Variants in DGKI observed in about 807,000 individuals in gnomAD.
DGKI encodes the protein DAG kinase iota.
DGKI carries 55 observed loss-of-function variants against 147.5 expected under a neutral mutation model. That is an observed-to-expected ratio of 0.37 (90% CI 0.30 to 0.47). The LOEUF (loss-of-function observed/expected upper bound fraction) is 0.47, where lower values mean the gene tolerates loss of function less well. Ranked by LOEUF, DGKI falls within the 20% of genes least tolerant of loss-of-function variation. The pLI is 1.00. For missense variants in DGKI, 1,007 were observed against 1,323.8 expected (o/e 0.76, Z 3.71); for synonymous variants, 469 against 477.1 (o/e 0.98, Z 0.22).
intron 4 of DGKI, among the ~76,000 whole-genome samples, chr7:137,655,644 G>A (rs965147483): frequency 6.6e-6 from 1 of 152,218 alleles, no homozygotes; most frequent in Non-Finnish European, 1.5e-5. Flanking sequence ...TGAAGTTGGG[G>A]CAGAAAAGAA....
chr7:137,510,991 A>T (rs983905275), intron 21 of DGKI, among the ~76,000 whole-genome samples: 9 of 152,210 alleles, frequency 5.9e-5, no homozygotes, highest in Non-Finnish European at 1.3e-4. Context: ...TGGACCAGTG[A>T]TTCAGGAAAC....
intron 23 of DGKI, among the ~76,000 whole-genome samples, chr7:137,478,507 A>G (rs1159371993): frequency 6.6e-6 from 1 of 152,192 alleles, no homozygotes; most frequent in Non-Finnish European, 1.5e-5. Flanking sequence ...ATTTTCTCTA[A>G]TTAGTGTTTA....
At chr7:137,720,250 C>CTT (rs552382033) in intron 1 of DGKI, among the ~76,000 whole-genome samples, 3,682 of 88,206 alleles carry the variant, frequency 0.042, 379 homozygotes, top group Non-Finnish European at 0.058. Flanking sequence ...TTGAAAAAAT[C>CTT]TTTTTTTTTT....
At chr7:137,657,879 TG>T (rs1316507375) in intron 3 of DGKI, among the ~76,000 whole-genome samples, 1 of 152,224 alleles carries the variant, frequency 6.6e-6, no homozygotes, top group African/African-American at 2.4e-5. Context: ...CTTGGACAGC[TG>T]CATTCATTCA....
At chr7:137,540,787 A>C (rs1817671869) in intron 20 of DGKI, among the ~76,000 whole-genome samples, 1 of 140,422 alleles carries the variant, frequency 7.1e-6, no homozygotes, top group Non-Finnish European at 1.5e-5. Context: ...AAAAAAAAAA[A>C]ACATTTACAA....
At position 137,609,130 on chromosome 7, in the gene DGKI, G is replaced by C. The variant is rs1032235168; in HGVS notation, c.1069-66C>G. On this transcript the variant is annotated intron_variant, in intron 9 of 32. Coordinates refer to ENST00000614521, the MANE Select transcript of DGKI (RefSeq NM_001321708.2). ...GCTTGAAAGGCAACCCCAAGGCAAG[G>C]GAGGTGGAAAACCACCCAATAATAC... 3.9e-5 allele frequency: 53 copies of C among 1,349,522 alleles called. No individual in the cohort carries two copies. In the East Asian group the frequency reaches 1.2e-3, roughly 31 times the overall value. The allele number at this position is 1,349,522 out of a possible 1,614,324, so 83.6% of individuals were successfully genotyped here.
rs535149543 is a variant in DGKI, at chr7:137,496,527, G to A, written c.2249-8838C>T. Among the ~76,000 whole-genome samples, 5 of 151,788 alleles carry A rather than the reference G, an allele frequency of 3.3e-5. No individual in the cohort carries two copies. The East Asian group carries it at 9.7e-4, about 29-fold the overall frequency. ...AAATAATAATAATAAAAAAAAAGCT[G>A]GAGGCATCACAATACTCAAAACTAT... On this transcript the variant is annotated intron_variant, in intron 21 of 32. Coordinates refer to ENST00000614521, the MANE Select transcript of DGKI (RefSeq NM_001321708.2).
chr7:137,756,624 GTTATTT>G (rs1447620354), intron 1 of DGKI, among the ~76,000 whole-genome samples: 5 of 152,162 alleles, frequency 3.3e-5, no homozygotes, highest in Non-Finnish European at 7.4e-5. Flanking sequence ...AGTAAACCTA[GTTATTT>G]TCCATGCAGT....
At chr7:137,500,618 C>T (rs890765047) in intron 21 of DGKI, among the ~76,000 whole-genome samples, 1 of 151,828 alleles carries the variant, frequency 6.6e-6, no homozygotes, top group African/African-American at 2.4e-5. Context: ...TGTAAACAGC[C>T]AGATAATAAA....
Position 137,582,440 on chromosome 7 carries a change from A to C in DGKI, c.1564-512T>G, listed in dbSNP as rs758856290. Among the ~76,000 whole-genome samples, 484 of 148,646 alleles carry C rather than the reference A, an allele frequency of 3.3e-3. 1 individual carries two copies. Among genetic ancestry groups the C allele is most frequent in the East Asian group, 5.7e-3 (29 of 5,126 alleles). ...TCTCTCTCTCTCTCTCTCTCTATAT[A>C]TATATATATATACACACACACACAC... On this transcript the variant is annotated intron_variant, in intron 14 of 32. Transcript: ENST00000614521.
At chr7:137,679,245 C>A (rs1823145377) in intron 2 of DGKI, among the ~76,000 whole-genome samples, 2 of 152,168 alleles carry the variant, frequency 1.3e-5, no homozygotes, top group Admixed American at 1.3e-4. Context: ...GGTCTTCACC[C>A]AATTACTTCT....
chr7:137,563,191 G>C (rs1466611414), intron 19 of DGKI, among the ~76,000 whole-genome samples: 2 of 151,748 alleles, frequency 1.3e-5, no homozygotes, highest in Non-Finnish European at 2.9e-5. Flanking sequence ...AAAAACCTTT[G>C]ATAAAATACA....
intron 6 of DGKI, among the ~76,000 whole-genome samples, chr7:137,624,363 T>C (rs1431935140): frequency 6.6e-6 from 1 of 152,208 alleles, no homozygotes; most frequent in Non-Finnish European, 1.5e-5. Context: ...ATAAAAAATG[T>C]TAAAACAGAG....
intron 21 of DGKI, among the ~76,000 whole-genome samples, chr7:137,498,649 G>T (rs1816057552): frequency 6.6e-6 from 1 of 152,230 alleles, no homozygotes; most frequent in Admixed American, 6.5e-5. Context: ...AAAGTTCTAA[G>T]ACTTTTACAG....
At chr7:137,844,179 G>A (rs1196583866) in intron 1 of DGKI, among the ~76,000 whole-genome samples, 3 of 152,190 alleles carry the variant, frequency 2.0e-5, no homozygotes, top group Non-Finnish European at 4.4e-5. Context: ...CCGCCATGAC[G>A]AGTGGGCAGG....
intron 1 of DGKI, among the ~76,000 whole-genome samples, chr7:137,758,381 T>C (rs532786643): frequency 5.9e-5 from 9 of 152,272 alleles, no homozygotes; most frequent in Non-Finnish European, 2.9e-5. Flanking sequence ...GTGATACACT[T>C]TATATTAAAA....
At chr7:137,638,491 C>T (rs1262834498) in intron 6 of DGKI, among the ~76,000 whole-genome samples, 2 of 121,442 alleles carry the variant, frequency 1.6e-5, no homozygotes, top group Non-Finnish European at 1.6e-5. Context: ...TATATATACA[C>T]ACATATATAT....
At chr7:137,557,033 C>T (rs1321007576) in intron 19 of DGKI, among the ~76,000 whole-genome samples, 3 of 152,074 alleles carry the variant, frequency 2.0e-5, no homozygotes, top group African/African-American at 7.2e-5. Flanking sequence ...CCTCAGCCTG[C>T]CTTTGGACTT....
chr7:137,616,810 C>A (rs547759049), intron 8 of DGKI, among the ~76,000 whole-genome samples: 1 of 152,158 alleles, frequency 6.6e-6, no homozygotes, highest in South Asian at 2.1e-4. Context: ...ATTCTGAAAA[C>A]TTACAAATAA....
Sources: gnomAD v4.1 joint callset for allele counts (sites outside exome capture counted in the v4.1 genomes callset) on GRCh38, gnomAD v4.1.1 for gene constraint, MANE v1.5 for transcripts, NCBI Gene and HGNC (gene_info 2026-07-23, HGNC 2026-07-21) for gene names.